The following MAP3K1 variants were observed in gnomAD, a reference collection of about 807,000 sequenced individuals.
The protein encoded by MAP3K1 is MAP/ERK kinase kinase 1.
MAP3K1 carries 36 observed loss-of-function variants against 144.2 expected under a neutral mutation model. That is an observed-to-expected ratio of 0.25 (90% CI 0.19 to 0.33). The LOEUF is 0.33. MAP3K1 is among the 10% of genes least tolerant of loss of function. MAP3K1 has a pLI of 1.00. For synonymous variants in MAP3K1, 718 were observed against 688.7 expected (o/e 1.04, Z -0.67); for missense variants, 1,650 against 1,881.9 (o/e 0.88, Z 2.28).
chr5:56,880,725 T>C lies in MAP3K1; in HGVS notation c.2102T>C (p.Leu701Pro), dbSNP rs1326778302. 1 of 1,613,546 alleles carries C rather than the reference T, an allele frequency of 6.2e-7. No individual in the cohort carries two copies. The highest frequency in any genetic ancestry group is 1.7e-5 in the Admixed American group (1 of 59,990). ...TTTGTTTTTAGCCGCACAAGTCAGC[T>C]GTCCATATCAACACTGTTGGAACTG... ...CADANSRTSQ[L>P]SISTLLELCK... Residue 701 changes from leucine to proline, a missense_variant, in exon 12 of 20, where the codon CTG becomes CCG. By Grantham distance (98) the Leu-to-Pro change is moderately conservative (BLOSUM62 -3). Coordinates refer to ENST00000399503, the MANE Select transcript of MAP3K1 (RefSeq NM_005921.2).
At chr5:56,855,234 T>C (rs915433373) in intron 1 of MAP3K1, among the ~76,000 whole-genome samples, 44 of 151,972 alleles carry the variant, frequency 2.9e-4, no homozygotes, top group African/African-American at 8.5e-4. Context: ...TCCCCTAATA[T>C]TTATATTTTA....
rs2111976390 is a variant in MAP3K1, at chr5:56,893,931, A to G, written c.*251A>G. On this transcript the variant is annotated 3_prime_UTR_variant, in exon 20 of 20. Transcript: ENST00000399503. ...AAGAACTGGCCCTAGGTGAACAGGA[A>G]AACAATGAAGTTTGCATGACTAAAT... The G allele has an allele frequency of 1.9e-6, 1 of 530,074 alleles. No homozygotes were observed. The highest frequency in any genetic ancestry group is 3.4e-6 in the Non-Finnish European group (1 of 293,510). 32.8% of individuals were successfully genotyped at this position (530,074 alleles called of 1,614,324 possible).
At chr5:56,853,901 G>A (rs1409504196) in intron 1 of MAP3K1, among the ~76,000 whole-genome samples, 1 of 152,068 alleles carries the variant, frequency 6.6e-6, no homozygotes, top group Admixed American at 6.5e-5. Flanking sequence ...TAAGCCCGGG[G>A]GGAACCACTA....
At chr5:56,854,716 A>G (rs1343842411) in intron 1 of MAP3K1, among the ~76,000 whole-genome samples, 1 of 152,322 alleles carries the variant, frequency 6.6e-6, no homozygotes, top group East Asian at 1.9e-4. Flanking sequence ...ACTCAGGGCC[A>G]GGAACAGAAA....
At chr5:56,861,843 A>G (rs1747525167) in intron 3 of MAP3K1, among the ~76,000 whole-genome samples, 1 of 152,172 alleles carries the variant, frequency 6.6e-6, no homozygotes, top group South Asian at 2.1e-4. Context: ...TTTGAAGAAC[A>G]AATGATTGAA....
chr5:56,832,859 T>C (rs1290996584), intron 1 of MAP3K1, among the ~76,000 whole-genome samples: 1 of 152,188 alleles, frequency 6.6e-6, no homozygotes, highest in Admixed American at 6.6e-5. Context: ...AGTGAAGCAT[T>C]TTAAGTTTTT....
At chr5:56,820,585 T>G (rs1314383693) in intron 1 of MAP3K1, 5 of 985,232 alleles carry the variant, frequency 5.1e-6, no homozygotes, top group Non-Finnish European at 6.0e-6. Flanking sequence ...TGTTGAATGT[T>G]TCTTAGATTT....
chr5:56,838,445 T>C (rs1288468121), intron 1 of MAP3K1, among the ~76,000 whole-genome samples: 3 of 152,260 alleles, frequency 2.0e-5, no homozygotes, highest in African/African-American at 7.2e-5. Flanking sequence ...GAAAAGAAAT[T>C]GGCATATTTA....
chr5:56,878,852 T>C (rs1748116994), intron 10 of MAP3K1, 128 bp from the exon 11 acceptor site: 1 of 778,974 alleles, frequency 1.3e-6, no homozygotes, highest in East Asian at 2.7e-5. Flanking sequence ...ATGGAATTCT[T>C]ATTTTATTCT....
At chr5:56,868,130 C>T (rs1243129967) in intron 6 of MAP3K1, among the ~76,000 whole-genome samples, 1 of 151,734 alleles carries the variant, frequency 6.6e-6, no homozygotes, top group Non-Finnish European at 1.5e-5. Context: ...TTTTGTGGTC[C>T]ATTTGGTCTC....
chr5:56,820,829 A>G (rs1162493968), intron 1 of MAP3K1: 2 of 983,582 alleles, frequency 2.0e-6, no homozygotes, highest in South Asian at 4.7e-5. Flanking sequence ...AGGTTGTAGT[A>G]TGAACATGTT....
At chr5:56,842,396 A>C (rs1447853698) in intron 1 of MAP3K1, among the ~76,000 whole-genome samples, 3 of 152,258 alleles carry the variant, frequency 2.0e-5, no homozygotes, top group Admixed American at 2.0e-4. Flanking sequence ...ATCTTTCTGC[A>C]GGTTTCTTCA....
intron 1 of MAP3K1, among the ~76,000 whole-genome samples, chr5:56,846,072 G>GA (rs1229732019): frequency 6.6e-6 from 1 of 152,192 alleles, no homozygotes; most frequent in Non-Finnish European, 1.5e-5. Flanking sequence ...TCCTAAGACA[G>GA]ACAGTAACTT....
rs190122166 is a variant in MAP3K1, at chr5:56,840,455, G to C, written c.483-16145G>C. ...GAGCCACTGCGTCCAGCCAAATAAT[G>C]AGTATTAATTGGCTGAATAGCAAGT... is the stretch of plus-strand genomic sequence containing the variant. On this transcript the variant is annotated intron_variant, in intron 1 of 19. Transcript: ENST00000399503. 8.4e-3 allele frequency among the ~76,000 whole-genome samples: 1,278 copies of C among 152,170 alleles called. 12 individuals carry two copies. The highest frequency in any genetic ancestry group is 0.012 in the Non-Finnish European group (838 of 68,026).
chr5:56,883,421 T>G, intron 14 of MAP3K1, 106 bp from the exon 15 acceptor site: 1 of 1,028,508 alleles, frequency 9.7e-7, no homozygotes, highest in Non-Finnish European at 1.5e-6. Flanking sequence ...GTCACATTTA[T>G]AGGTGGTTTG....
Position 56,815,768 on chromosome 5 carries a change from G to A in MAP3K1, c.195G>A (p.Val65=). Residue 65 remains valine, a synonymous_variant, in exon 1 of 20, where the codon GTG becomes GTA. Transcript: ENST00000399503. The part of the protein sequence containing the change: ...ADWRRRQLRK[V]RSVELDQLPE... ...GGCGGCGGCGGCAGCTGCGCAAAGT[G>A]CGGAGTGTGGAGCTGGACCAGCTGC... The A allele has an allele frequency of 1.4e-6, 2 of 1,402,210 alleles. No homozygotes were observed. The highest frequency in any genetic ancestry group is 1.5e-5 in the South Asian group (1 of 66,946). The allele number at this position is 1,402,210 out of a possible 1,614,324, so 86.9% of individuals were successfully genotyped here.
intron 1 of MAP3K1, among the ~76,000 whole-genome samples, chr5:56,821,711 A>G (rs1258374043): frequency 6.6e-6 from 1 of 152,216 alleles, no homozygotes; most frequent in Admixed American, 6.5e-5. Context: ...CTAAACAATA[A>G]TTTAAGTTAT....
Position 56,879,121 on chromosome 5 carries a change from TC to T in MAP3K1, c.2087+21del. On this transcript the variant is annotated intron_variant, in intron 11 of 19. Coordinates refer to ENST00000399503, the MANE Select transcript of MAP3K1 (RefSeq NM_005921.2). ...CAATAGGTAAGGCTTTATTGATGAA[TC>T]ACTTCAAACCCTCTTGTCTTAAAAG... 1 of 1,613,776 alleles carries T rather than the reference TC, an allele frequency of 6.2e-7. No individual in the cohort carries two copies. The highest frequency in any genetic ancestry group is 8.5e-7 in the Non-Finnish European group (1 of 1,179,716).
chr5:56,860,164 A>G (rs749016343), intron 3 of MAP3K1, among the ~76,000 whole-genome samples: 1 of 152,132 alleles, frequency 6.6e-6, no homozygotes, highest in Non-Finnish European at 1.5e-5. Flanking sequence ...GGGTAAAGCT[A>G]CTGGTGCCTT....
Sources: gnomAD v4.1 joint callset for allele counts (sites outside exome capture counted in the v4.1 genomes callset) on GRCh38, gnomAD v4.1.1 for gene constraint, MANE v1.5 for transcripts, NCBI Gene and HGNC (gene_info 2026-07-23, HGNC 2026-07-21) for gene names.